The following SMYD3 variants were observed in gnomAD, a reference collection of about 807,000 sequenced individuals.
SMYD3 encodes the protein histone-lysine N-methyltransferase SMYD3.
SMYD3 carries 36 observed loss-of-function variants against 57.7 expected under a neutral mutation model. The ratio of observed to expected loss-of-function variants is 0.62; its 90% CI spans 0.48 to 0.82. The LOEUF is 0.82. SMYD3 is among the 40% of genes least tolerant of loss of function. The probability of loss-of-function intolerance (pLI) is 0.00; values close to 1 mark genes in which losing one functional copy is unlikely to be tolerated. For synonymous variants in SMYD3, 211 were observed against 195.0 expected (o/e 1.08, Z -0.68); for missense variants, 515 against 538.8 (o/e 0.96, Z 0.44).
chr1:246,307,429 T>G (rs2065000378), intron 5 of SMYD3, among the ~76,000 whole-genome samples: 1 of 144,428 alleles, frequency 6.9e-6, no homozygotes, highest in Non-Finnish European at 1.5e-5. Context: ...TTTTTTTTTT[T>G]TTTTTTTTGA....
At chr1:246,360,912 C>T (rs999830850) in intron 1 of SMYD3, among the ~76,000 whole-genome samples, 1 of 152,138 alleles carries the variant, frequency 6.6e-6, no homozygotes, top group African/African-American at 2.4e-5. Context: ...AACAAAGAAC[C>T]CAAAAGCAAA....
intron 5 of SMYD3, among the ~76,000 whole-genome samples, chr1:246,049,193 CAA>C (rs2060020306): frequency 6.8e-6 from 1 of 146,872 alleles, no homozygotes; most frequent in Non-Finnish European, 1.5e-5. Context: ...AGTATCCTGA[CAA>C]TAAACGACTC....
chr1:246,022,324 T>A (rs2059486225), intron 5 of SMYD3, among the ~76,000 whole-genome samples: 1 of 152,164 alleles, frequency 6.6e-6, no homozygotes, highest in Non-Finnish European at 1.5e-5. Flanking sequence ...ACAGAAATGT[T>A]TGTTATGGTG....
At chr1:246,035,196 T>C (rs774202546) in intron 5 of SMYD3, 2 of 152,220 alleles carry the variant, frequency 1.3e-5, no homozygotes, top group Non-Finnish European at 1.5e-5. Context: ...AAAATTAATA[T>C]AGTAAACATA....
intron 5 of SMYD3, among the ~76,000 whole-genome samples, chr1:246,018,462 G>A (rs1482112756): frequency 6.6e-6 from 1 of 152,166 alleles, no homozygotes; most frequent in Non-Finnish European, 1.5e-5. Flanking sequence ...CTTTTGAACT[G>A]AGCTTTAGAG....
In SMYD3 at chr1:245,892,319, C is replaced by A. The variant is rs150109538; in HGVS notation, c.813+23211G>T. ...AATAATGGCTACCATTACCAAGCAT[C>A]TACCATCTCCCAATCTATACATATA... On this transcript the variant is annotated intron_variant, in intron 8 of 11. Coordinates refer to ENST00000490107, the MANE Select transcript of SMYD3 (RefSeq NM_001167740.2). Among the ~76,000 whole-genome samples, 27 of 152,336 alleles carry A rather than the reference C, an allele frequency of 1.8e-4. No homozygotes were observed. In the East Asian group the frequency reaches 4.8e-3, roughly 27 times the overall value.
At chr1:246,021,201 A>G (rs1027577196) in intron 5 of SMYD3, among the ~76,000 whole-genome samples, 1 of 152,224 alleles carries the variant, frequency 6.6e-6, no homozygotes, top group Non-Finnish European at 1.5e-5. Flanking sequence ...GGTGAAGGTC[A>G]GGAGTTCCAC....
intron 5 of SMYD3, among the ~76,000 whole-genome samples, chr1:246,068,597 C>G (rs920027886): frequency 2.0e-5 from 3 of 152,126 alleles, no homozygotes; most frequent in Non-Finnish European, 4.4e-5. Flanking sequence ...CAACCTGCTA[C>G]CAGTCAAACC....
At chr1:246,410,933 T>C (rs575058334) in intron 1 of SMYD3, among the ~76,000 whole-genome samples, 2 of 152,380 alleles carry the variant, frequency 1.3e-5, no homozygotes, top group Admixed American at 1.3e-4. Flanking sequence ...ATCCATTTCT[T>C]CTAGATTTTC....
At chr1:246,470,780 T>G (rs2067951418) in intron 1 of SMYD3, among the ~76,000 whole-genome samples, 1 of 151,982 alleles carries the variant, frequency 6.6e-6, no homozygotes, top group Non-Finnish European at 1.5e-5. Context: ...AGGACATTAT[T>G]GCAACATCGA....
intron 5 of SMYD3, among the ~76,000 whole-genome samples, chr1:246,044,876 T>C (rs1237730785): frequency 7.2e-5 from 11 of 152,180 alleles, no homozygotes; most frequent in African/African-American, 2.2e-4. Context: ...TGACTCTTTA[T>C]AAAATATTGC....
intron 1 of SMYD3, among the ~76,000 whole-genome samples, chr1:246,506,401 G>A (rs4654275): frequency 0.18 from 26,897 of 152,076 alleles, 3,037 homozygotes; most frequent in Non-Finnish European, 0.24. Context: ...AGCACACGGG[G>A]GACCCGTGTC....
chr1:246,039,821 T>C (rs1161610739), intron 5 of SMYD3, among the ~76,000 whole-genome samples: 1 of 152,212 alleles, frequency 6.6e-6, no homozygotes, highest in Non-Finnish European at 1.5e-5. Context: ...CAGTACTCTC[T>C]GCCAATGACC....
chr1:245,769,347 A>T (rs975387301), intron 10 of SMYD3, among the ~76,000 whole-genome samples: 6 of 152,332 alleles, frequency 3.9e-5, no homozygotes, highest in African/African-American at 1.4e-4. Flanking sequence ...TGTGAAACAA[A>T]ACAGAACCCC....
chr1:246,295,406 T>C (rs1241762467), intron 5 of SMYD3, among the ~76,000 whole-genome samples: 1 of 152,098 alleles, frequency 6.6e-6, no homozygotes, highest in Non-Finnish European at 1.5e-5. Flanking sequence ...AGAAAAACAG[T>C]TTTCTGCTTG....
chr1:246,003,233 C>G (rs2059110498), intron 5 of SMYD3, among the ~76,000 whole-genome samples: 1 of 152,210 alleles, frequency 6.6e-6, no homozygotes, highest in South Asian at 2.1e-4. Context: ...CTCCAATTCA[C>G]AGGTCATTAG....
chr1:246,241,681 T>C, intron 5 of SMYD3, among the ~76,000 whole-genome samples: 1 of 152,192 alleles, frequency 6.6e-6, no homozygotes, highest in Non-Finnish European at 1.5e-5. Context: ...ACAGCTCCTC[T>C]TTGTACCTCT....
At chr1:246,135,637 GAC>G (rs372041525) in intron 5 of SMYD3, among the ~76,000 whole-genome samples, 1 of 150,550 alleles carries the variant, frequency 6.6e-6, no homozygotes. Flanking sequence ...AATTGTCTCA[GAC>G]ACACACACAC....
intron 1 of SMYD3, among the ~76,000 whole-genome samples, chr1:246,476,033 A>C (rs899694668): frequency 6.6e-6 from 1 of 152,240 alleles, no homozygotes; most frequent in Non-Finnish European, 1.5e-5. Flanking sequence ...GTTCAGAAAG[A>C]TAATGACAGT....
Sources: allele counts gnomAD v4.1 joint callset (sites outside exome capture counted in the v4.1 genomes callset), GRCh38; gene constraint gnomAD v4.1.1; transcripts MANE v1.5; gene names NCBI Gene and HGNC (gene_info 2026-07-23, HGNC 2026-07-21).